Variants in ERBB4 observed in about 807,000 individuals in gnomAD.
ERBB4 encodes the protein receptor tyrosine-protein kinase erbB-4.
A neutral mutation model predicts 158.0 loss-of-function variants in ERBB4; 42 were observed. The ratio of observed to expected loss-of-function variants is 0.27; its 90% CI spans 0.21 to 0.34. The LOEUF is 0.34. Among genes scored for constraint, ERBB4 ranks in the 10% least tolerant of loss-of-function variants. The pLI is 1.00. For synonymous variants in ERBB4, 583 were observed against 558.7 expected, an observed-to-expected ratio of 1.04 and a Z score of -0.61; for missense variants, 1,333 against 1,624.1, an observed-to-expected ratio of 0.82 and a Z score of 3.08.
chr2:211,448,549 G>T (rs547795512), intron 20 of ERBB4, among the ~76,000 whole-genome samples: 1 of 151,972 alleles, frequency 6.6e-6, no homozygotes, highest in African/African-American at 2.4e-5. Flanking sequence ...AAGGTGCAAA[G>T]GCATATAAAC....
intron 2 of ERBB4, among the ~76,000 whole-genome samples, chr2:212,044,727 T>G (rs2077218261): frequency 6.6e-6 from 1 of 152,200 alleles, no homozygotes. Flanking sequence ...AGGATCTTAC[T>G]CCCATACCTC....
rs28535995 is a variant in ERBB4, at chr2:211,962,178, C to T, written c.235-14562G>A. 9.8e-3 allele frequency among the ~76,000 whole-genome samples: 1,486 copies of T among 152,004 alleles called. 26 individuals carry two copies. The highest frequency in any genetic ancestry group is 0.034 in the African/African-American group (1,420 of 41,434). ...TGTATAATGTTTGCTTATATGTTTG[C>T]TTATGAAAGTATAAAAATAAGCCAT... is the stretch of plus-strand genomic sequence containing the variant. On this transcript the variant is annotated intron_variant, in intron 2 of 27. Transcript: ENST00000342788.
intron 20 of ERBB4, among the ~76,000 whole-genome samples, chr2:211,528,337 T>C (rs931435250): frequency 3.9e-5 from 6 of 151,934 alleles, no homozygotes; most frequent in African/African-American, 1.4e-4. Flanking sequence ...GTACTCAACA[T>C]TGGAGCATCC....
chr2:212,403,936 A>G (rs1210720863), intron 1 of ERBB4, among the ~76,000 whole-genome samples: 1 of 152,036 alleles, frequency 6.6e-6, no homozygotes, highest in East Asian at 1.9e-4. Context: ...CCTGCTAGCC[A>G]TAACTTCTCT....
chr2:212,449,876 A>G (rs2092420209), intron 1 of ERBB4, among the ~76,000 whole-genome samples: 1 of 152,142 alleles, frequency 6.6e-6, no homozygotes, highest in Non-Finnish European at 1.5e-5. Context: ...CAGCCAAAAT[A>G]GACACTTATT....
At chr2:212,150,061 C>A (rs916695575) in intron 1 of ERBB4, among the ~76,000 whole-genome samples, 3 of 152,104 alleles carry the variant, frequency 2.0e-5, no homozygotes, top group African/African-American at 7.2e-5. Flanking sequence ...ACGAAACTTG[C>A]AAAACCGGGT....
intron 2 of ERBB4, among the ~76,000 whole-genome samples, chr2:211,972,431 A>G (rs1390691160): frequency 6.6e-6 from 1 of 152,168 alleles, no homozygotes; most frequent in Non-Finnish European, 1.5e-5. Context: ...ACCAAATAAG[A>G]CCTGCATAGC....
chr2:212,019,607 C>G (rs972460214), intron 2 of ERBB4, among the ~76,000 whole-genome samples: 1 of 151,652 alleles, frequency 6.6e-6, no homozygotes, highest in Non-Finnish European at 1.5e-5. Flanking sequence ...TACTAAAATA[C>G]AAAAATTCAG....
chr2:212,508,276 T>C (rs1047029357), intron 1 of ERBB4, among the ~76,000 whole-genome samples: 22 of 152,194 alleles, frequency 1.4e-4, no homozygotes, highest in Non-Finnish European at 2.9e-4. Context: ...CAGCTTATTG[T>C]GGTGGTCTGA....
chr2:211,412,434 T>G (rs895820221), intron 25 of ERBB4, among the ~76,000 whole-genome samples: 1 of 152,180 alleles, frequency 6.6e-6, no homozygotes, highest in African/African-American at 2.4e-5. Context: ...TCCACAAAGA[T>G]ACATTTAAAA....
chr2:212,199,440 T>C (rs1185621374), intron 1 of ERBB4, among the ~76,000 whole-genome samples: 5 of 152,144 alleles, frequency 3.3e-5, no homozygotes, highest in African/African-American at 4.8e-5. Context: ...AACATAACTA[T>C]TACATCATAA....
intron 12 of ERBB4, among the ~76,000 whole-genome samples, chr2:211,696,978 C>A (rs570765962): frequency 1.3e-5 from 2 of 152,204 alleles, no homozygotes; most frequent in African/African-American, 4.8e-5. Context: ...CCAATATTTT[C>A]TTTATTTTGA....
At chr2:211,937,329 A>G (rs2080353315) in intron 3 of ERBB4, among the ~76,000 whole-genome samples, 1 of 152,152 alleles carries the variant, frequency 6.6e-6, no homozygotes, top group South Asian at 2.1e-4. Context: ...ATTTTTTTAA[A>G]AAAACTTTTA....
intron 5 of ERBB4, among the ~76,000 whole-genome samples, chr2:211,740,686 C>A (rs2106181713): frequency 7.4e-6 from 1 of 135,736 alleles, no homozygotes; most frequent in East Asian, 2.4e-4. Flanking sequence ...TCTTGGCTCA[C>A]TGCAAGCTCC....
chr2:212,095,946 G>GA (rs35084866), intron 2 of ERBB4, among the ~76,000 whole-genome samples: 91,791 of 130,038 alleles, frequency 0.71, 33,048 homozygotes, highest in East Asian at 0.96. Context: ...AAAAAAAAAA[G>GA]AAAAAAAAAA....
At position 211,729,967 on chromosome 2, in the gene ERBB4, G is replaced by T. The variant is rs183797523; in HGVS notation, c.623-4773C>A. 3.8e-3 allele frequency among the ~76,000 whole-genome samples: 570 copies of T among 151,704 alleles called. 4 individuals carry two copies. The highest frequency in any genetic ancestry group is 0.013 in the African/African-American group (549 of 41,418). ...TGGGACGTTAAACTTCTTATATTCG[G>T]GTCAGTAAACTTGACATGGGGAATG... is the stretch of plus-strand genomic sequence containing the variant. On this transcript the variant is annotated intron_variant, in intron 5 of 27. Transcript: ENST00000342788.
intron 3 of ERBB4, among the ~76,000 whole-genome samples, chr2:211,833,246 G>T (rs2105976511): frequency 6.6e-6 from 1 of 152,212 alleles, no homozygotes; most frequent in South Asian, 2.1e-4. Context: ...AAGTACTCTA[G>T]AAATAAGGCA....
intron 20 of ERBB4, 67 bp from the exon 21 acceptor site, chr2:211,431,167 A>C (rs1421225694): frequency 6.8e-7 from 1 of 1,471,666 alleles, no homozygotes; most frequent in Admixed American, 1.7e-5. Context: ...TTCTAAAACA[A>C]AGTTTCTTAG....
intron 1 of ERBB4, among the ~76,000 whole-genome samples, chr2:212,407,372 T>G (rs2091376964): frequency 6.6e-6 from 1 of 152,134 alleles, no homozygotes; most frequent in South Asian, 2.1e-4. Context: ...TCATTTATTG[T>G]CATAACAATC....
Sources: gnomAD v4.1 joint callset for allele counts (sites outside exome capture counted in the v4.1 genomes callset) on GRCh38, gnomAD v4.1.1 for gene constraint, MANE v1.5 for transcripts, NCBI Gene and HGNC (gene_info 2026-07-23, HGNC 2026-07-21) for gene names.